LRRC42: variants seen among roughly 807,000 people sequenced by gnomAD.
The protein encoded by LRRC42 is leucine rich repeat containing 42.
Under a neutral mutation model 44.3 loss-of-function variants are expected in LRRC42, and 43 were observed. The observed-to-expected ratio is 0.97, with a 90% CI of 0.76 to 1.25. The LOEUF is 1.25. LRRC42 is among the 50% of genes most tolerant of loss of function. LRRC42 has a pLI of 0.00. For synonymous variants in LRRC42, 207 were observed against 195.2 expected, an observed-to-expected ratio of 1.06 and a Z score of -0.50; for missense variants, 540 against 509.1, an observed-to-expected ratio of 1.06 and a Z score of -0.58.
chr1:53,951,919 A>G (rs767235871), intron 2 of LRRC42, 67 bp from the exon 3 acceptor site: 2 of 1,265,832 alleles, frequency 1.6e-6, no homozygotes, highest in Non-Finnish European at 1.1e-6. Context: ...TGGGCACAGC[A>G]AGATGAAGTT....
Position 53,968,067 on chromosome 1 carries a change from T to C in LRRC42, c.*128T>C, listed in dbSNP as rs1655179643. Reference sequence around the variant, plus strand: ...GCATAGTAAGCAGATATTTCTACTTTTGTGGTGTGGGAGGGGAATGCTATG... The same window carrying C: ...GCATAGTAAGCAGATATTTCTACTTCTGTGGTGTGGGAGGGGAATGCTATG... On this transcript the variant is annotated 3_prime_UTR_variant, in exon 9 of 9. Coordinates refer to ENST00000371370, the MANE Select transcript of LRRC42 (RefSeq NM_001256409.2). The C allele has an allele frequency of 4.1e-6, 4 of 974,438 alleles. No individual in the cohort carries two copies. Among genetic ancestry groups the C allele is most frequent in the East Asian group, 2.4e-5 (1 of 40,892 alleles). The allele number at this position is 974,438 out of a possible 1,614,324, so 60.4% of individuals were successfully genotyped here.
chr1:53,955,375 C>T (rs1557645495), intron 3 of LRRC42, among the ~76,000 whole-genome samples: 1 of 152,112 alleles, frequency 6.6e-6, no homozygotes. Context: ...TGGCTCACTG[C>T]AGCCTCCGCC....
intron 5 of LRRC42, 112 bp from the exon 6 acceptor site, chr1:53,961,922 T>C (rs1052071173): frequency 6.7e-6 from 5 of 743,198 alleles, no homozygotes; most frequent in African/African-American, 3.6e-5. Flanking sequence ...GTTTGCCAAC[T>C]CAAATGTTTT....
intron 5 of LRRC42, among the ~76,000 whole-genome samples, chr1:53,961,410 CAA>C (rs35356994): frequency 2.2e-5 from 3 of 137,890 alleles, no homozygotes; most frequent in African/African-American, 2.6e-5. Flanking sequence ...GACTCTGTCT[CAA>C]AAAAAAAAAA....
At position 53,955,099 on chromosome 1, in the gene LRRC42, G is replaced by A. The variant is rs115580746; in HGVS notation, c.473+2627G>A. On this transcript the variant is annotated intron_variant, in intron 3 of 8. Coordinates refer to ENST00000371370, the MANE Select transcript of LRRC42 (RefSeq NM_001256409.2). ...TATTAAGATAATATTTTAAGAAACAGATTTTTTAAATGTATGTATTGGACA... is the reference window on the plus strand; with the variant it reads ...TATTAAGATAATATTTTAAGAAACAAATTTTTTAAATGTATGTATTGGACA... 9.3e-3 allele frequency among the ~76,000 whole-genome samples: 1,419 copies of A among 152,120 alleles called. 29 individuals are homozygous for A. Among genetic ancestry groups the A allele is most frequent in the African/African-American group, 0.033 (1,353 of 41,516 alleles).
At chr1:53,959,352 C>T (rs765656468) in intron 4 of LRRC42, among the ~76,000 whole-genome samples, 1 of 152,168 alleles carries the variant, frequency 6.6e-6, no homozygotes, top group Non-Finnish European at 1.5e-5. Context: ...TCTGACTGAT[C>T]TCAGGTTATT....
intron 3 of LRRC42, among the ~76,000 whole-genome samples, chr1:53,953,470 C>T (rs1313205453): frequency 6.6e-6 from 1 of 152,154 alleles, no homozygotes; most frequent in African/African-American, 2.4e-5. Flanking sequence ...AAGCAATTCG[C>T]CTGCCTCAGC....
At chr1:53,948,885 T>C (rs1654597081) in intron 2 of LRRC42, among the ~76,000 whole-genome samples, 1 of 152,218 alleles carries the variant, frequency 6.6e-6, no homozygotes, top group Admixed American at 6.5e-5. Context: ...ACATACCTCA[T>C]AGACTCAGGA....
At chr1:53,963,082 T>A (rs1029145748) in intron 7 of LRRC42, among the ~76,000 whole-genome samples, 1 of 152,166 alleles carries the variant, frequency 6.6e-6, no homozygotes, top group African/African-American at 2.4e-5. Flanking sequence ...TAGATGCTTT[T>A]AACCAATGTT....
chr1:53,947,628 C>T (rs1654548082), intron 1 of LRRC42, among the ~76,000 whole-genome samples, 160 bp from the exon 2 acceptor site: 3 of 152,078 alleles, frequency 2.0e-5, no homozygotes, highest in African/African-American at 7.2e-5. Flanking sequence ...CAGATGTTCT[C>T]CTGGTATATG....
At chr1:53,964,671 C>G (rs982933938) in intron 7 of LRRC42, among the ~76,000 whole-genome samples, 2 of 152,084 alleles carry the variant, frequency 1.3e-5, no homozygotes, top group South Asian at 2.1e-4. Context: ...TTATTAAGTG[C>G]CTTTTGTGTG....
rs746510889 is a variant in LRRC42 at position 53,967,932 on chromosome 1, C to T, written c.1280C>T (p.Ser427Phe). Residue 427 changes from serine (S) to phenylalanine (F), a missense_variant, in exon 9 of 9, where the codon TCC becomes TTC. Physicochemically the swap from Ser to Phe is radical, Grantham distance 155. Coordinates refer to ENST00000371370, the MANE Select transcript of LRRC42 (RefSeq NM_001256409.2). ...GTGGAAGACTGGGACTTGTTAAATT[C>T]CTATTGATTAGTAGATACAAGTTGA... is the stretch of plus-strand genomic sequence containing the variant. ...LAVEDWDLLN[S>F]Y is the part of the protein sequence containing the mutation. 8.1e-6 allele frequency: 13 copies of T among 1,612,838 alleles called. No individual in the cohort carries two copies. The highest frequency in any genetic ancestry group is 2.2e-5 in the East Asian group (1 of 44,878).
chr1:53,956,108 G>A (rs1654830455), intron 3 of LRRC42, among the ~76,000 whole-genome samples: 1 of 152,148 alleles, frequency 6.6e-6, no homozygotes, highest in Non-Finnish European at 1.5e-5. Context: ...CAGTCCAAGA[G>A]GTTTTGTCAG....
chr1:53,950,432 G>A (rs562660811), intron 2 of LRRC42, among the ~76,000 whole-genome samples: 2 of 152,194 alleles, frequency 1.3e-5, no homozygotes, highest in African/African-American at 4.8e-5. Flanking sequence ...GAGAAACATG[G>A]ATAGTACTGA....
At chr1:53,954,422 G>A (rs138310927) in intron 3 of LRRC42, among the ~76,000 whole-genome samples, 9 of 152,260 alleles carry the variant, frequency 5.9e-5, no homozygotes, top group East Asian at 1.9e-4. Context: ...TTTAAAATAC[G>A]TTTTACCCTT....
In LRRC42 at chr1:53,960,471, T is replaced by C. The variant is rs753030228; in HGVS notation, c.721T>C (p.Ser241Pro). ...GLENLTLLDL[S>P]CNPEITDAGI... ...TGAGAATCTAACATTATTAGACTTA[T>C]CATGTAAGTTTTCTTCGAAATTATA... is the stretch of plus-strand genomic sequence containing the variant. The change falls in exon 5 of 9, where the codon TCA becomes CCA. Residue 241 changes from serine to proline, a missense_variant. Physicochemically the swap from Ser to Pro is moderately conservative, Grantham distance 74. Coordinates refer to ENST00000371370, the MANE Select transcript of LRRC42 (RefSeq NM_001256409.2). The C allele has an allele frequency of 2.0e-5, 32 of 1,590,720 alleles. No homozygotes were observed. Among genetic ancestry groups the C allele is most frequent in the Middle Eastern group, 1.7e-4 (1 of 6,016 alleles).
rs889241472 is a variant in LRRC42 at position 53,947,822 on chromosome 1, G to A, written c.-15+1G>A. ...AGTGAATACTAGAGGGATCGAACAG[G>A]TGGGTGAGATTAATTTTTCACATTT... On this transcript the variant is annotated splice_donor_variant, in intron 2 of 8. Transcript: ENST00000371370. LOFTEE classifies it low-confidence loss of function (5UTR_SPLICE). 4.6e-5 allele frequency: 7 copies of A among 152,106 alleles called. No homozygotes were observed. The highest frequency in any genetic ancestry group is 3.9e-4 in the Admixed American group (6 of 15,266). The allele number at this position is 152,106 out of a possible 1,614,324, so 9.4% of individuals were successfully genotyped here.
chr1:53,959,541 G>C (rs1654936666), intron 4 of LRRC42, among the ~76,000 whole-genome samples: 1 of 152,208 alleles, frequency 6.6e-6, no homozygotes, highest in Non-Finnish European at 1.5e-5. Flanking sequence ...TCAAGGCTCA[G>C]ATTTCTTATG....
Position 53,960,417 on chromosome 1 carries a change from G to A in LRRC42, c.667G>A (p.Ala223Thr). Residue 223 changes from alanine to threonine, a missense_variant, in exon 5 of 9, where the codon GCA (alanine) becomes ACA (threonine). Ala to Thr is a moderately conservative substitution (Grantham distance 58). Transcript: ENST00000371370. ...LSDAGVRKMT[A>T]PVRVMKRGLE... is the part of the protein sequence containing the mutation. ...TGATGCTGGGGTGCGGAAGATGACA[G>A]CACCAGTTCGAGTGATGAAAAGAGG... The A allele has an allele frequency of 1.2e-6, 2 of 1,614,016 alleles. No individual in the cohort carries two copies. Among genetic ancestry groups the A allele is most frequent in the South Asian group, 1.1e-5 (1 of 91,066 alleles).
Sources: allele counts gnomAD v4.1 joint callset (sites outside exome capture counted in the v4.1 genomes callset), GRCh38; gene constraint gnomAD v4.1.1; transcripts MANE v1.5; gene names NCBI Gene and HGNC (gene_info 2026-07-23, HGNC 2026-07-21).